The following FBXW7 variants were observed in gnomAD, a reference collection of about 807,000 sequenced individuals.
FBXW7 encodes F-box and WD repeat domain containing 7.
FBXW7 carries 11 observed loss-of-function variants against 86.3 expected under a neutral mutation model. The ratio of observed to expected loss-of-function variants is 0.13; its 90% CI spans 0.08 to 0.21. The LOEUF is 0.21. Among genes scored for constraint, FBXW7 ranks in the 10% least tolerant of loss-of-function variants. The pLI, the probability that FBXW7 is intolerant of heterozygous loss-of-function variation, is 1.00. For synonymous variants in FBXW7, 313 were observed against 297.9 expected (o/e 1.05, Z -0.52); for missense variants, 488 against 847.4 (o/e 0.58, Z 5.27).
intron 2 of FBXW7, among the ~76,000 whole-genome samples, chr4:152,448,537 G>A (rs534524546): frequency 2.6e-5 from 4 of 152,244 alleles, no homozygotes; most frequent in Admixed American, 6.5e-5. Flanking sequence ...GCAGCAGGTC[G>A]AACGGCTCAA....
intron 6 of FBXW7, chr4:152,346,698 C>A: frequency 2.1e-6 from 1 of 469,640 alleles, no homozygotes; most frequent in Non-Finnish European, 3.7e-6. Context: ...CATTGTCAGG[C>A]AACCATTAAT....
At chr4:152,514,611 G>C (rs1175785580) in intron 2 of FBXW7, among the ~76,000 whole-genome samples, 1 of 152,132 alleles carries the variant, frequency 6.6e-6, no homozygotes, top group Non-Finnish European at 1.5e-5. Context: ...TCAAGGTAAT[G>C]AATGAGTTTC....
chr4:152,377,546 G>C (rs376668357), intron 4 of FBXW7, among the ~76,000 whole-genome samples: 18 of 150,712 alleles, frequency 1.2e-4, no homozygotes, highest in African/African-American at 4.4e-4. Flanking sequence ...GCGGTCAGGA[G>C]TTCGAGACCA....
chr4:152,440,573 A>T (rs1424505980), intron 2 of FBXW7, among the ~76,000 whole-genome samples: 1 of 152,236 alleles, frequency 6.6e-6, no homozygotes, highest in African/African-American at 2.4e-5. Context: ...TTTGTTTTAC[A>T]TCAAGGCATT....
At chr4:152,457,192 T>G (rs1451634250) in intron 2 of FBXW7, among the ~76,000 whole-genome samples, 2 of 152,130 alleles carry the variant, frequency 1.3e-5, no homozygotes, top group African/African-American at 4.8e-5. Flanking sequence ...TGACCTACAG[T>G]AACAGAAAGC....
intron 2 of FBXW7, among the ~76,000 whole-genome samples, chr4:152,503,331 C>T (rs573791972): frequency 6.6e-6 from 1 of 151,706 alleles, no homozygotes; most frequent in Non-Finnish European, 1.5e-5. Context: ...AGTGCAGTGG[C>T]GCAATCTCGG....
At chr4:152,425,660 G>C (rs989024917) in intron 2 of FBXW7, among the ~76,000 whole-genome samples, 4 of 150,044 alleles carry the variant, frequency 2.7e-5, no homozygotes, top group Non-Finnish European at 5.9e-5. Context: ...AAAAAAAAAA[G>C]AAATCCATAT....
intron 2 of FBXW7, among the ~76,000 whole-genome samples, chr4:152,433,904 G>A (rs1365229388): frequency 1.3e-5 from 2 of 152,302 alleles, no homozygotes; most frequent in Non-Finnish European, 2.9e-5. Context: ...GTTGGTTAAT[G>A]CTTTTAGAAA....
intron 2 of FBXW7, among the ~76,000 whole-genome samples, chr4:152,502,795 A>G (rs1443774876): frequency 6.6e-6 from 1 of 152,150 alleles, no homozygotes; most frequent in Non-Finnish European, 1.5e-5. Flanking sequence ...ATTAAAAGCT[A>G]TTTCTTGGGT....
chr4:152,404,509 T>A (rs898861121), intron 4 of FBXW7, among the ~76,000 whole-genome samples: 1 of 152,228 alleles, frequency 6.6e-6, no homozygotes, highest in Non-Finnish European at 1.5e-5. Flanking sequence ...GTTTGCTTCA[T>A]AATTAAGATC....
intron 4 of FBXW7, among the ~76,000 whole-genome samples, chr4:152,374,806 G>T (rs185718487): frequency 6.6e-6 from 1 of 151,838 alleles, no homozygotes; most frequent in Non-Finnish European, 1.5e-5. Flanking sequence ...AGAGAGGTAA[G>T]CTGGACCATG....
At chr4:152,520,652 G>A (rs765738581) in intron 2 of FBXW7, among the ~76,000 whole-genome samples, 1 of 152,060 alleles carries the variant, frequency 6.6e-6, no homozygotes, top group African/African-American at 2.4e-5. Flanking sequence ...GCTCCTCCAT[G>A]ATGTAAAAAT....
intron 4 of FBXW7, among the ~76,000 whole-genome samples, chr4:152,372,191 A>G (rs552318995): frequency 6.6e-6 from 1 of 152,086 alleles, no homozygotes; most frequent in Admixed American, 6.6e-5. Flanking sequence ...AGGTTAATAA[A>G]CTTTAGGTAC....
At chr4:152,356,354 AG>A (rs1732384506) in intron 4 of FBXW7, among the ~76,000 whole-genome samples, 1 of 152,242 alleles carries the variant, frequency 6.6e-6, no homozygotes, top group African/African-American at 2.4e-5. Context: ...AGTACTAAAA[AG>A]TTTAACTCAA....
intron 8 of FBXW7, 46 bp downstream of exon 8, chr4:152,332,550 G>T: frequency 6.9e-7 from 1 of 1,440,316 alleles, no homozygotes; most frequent in African/African-American, 1.4e-5. Context: ...GAATCACTCT[G>T]CTTTTCAAAG....
intron 2 of FBXW7, among the ~76,000 whole-genome samples, chr4:152,508,082 A>G (rs1747596987): frequency 6.6e-6 from 1 of 152,042 alleles, no homozygotes; most frequent in Admixed American, 6.6e-5. Flanking sequence ...AAAGAAAAAA[A>G]AAAAGTTAAG....
intron 8 of FBXW7, 124 bp from the exon 9 acceptor site, chr4:152,330,992 C>T: frequency 1.1e-6 from 1 of 898,920 alleles, no homozygotes. Flanking sequence ...AAATGCAAGA[C>T]ATTGTCAAAT....
intron 4 of FBXW7, among the ~76,000 whole-genome samples, chr4:152,390,895 A>G (rs557944713): frequency 2.0e-5 from 3 of 152,108 alleles, no homozygotes; most frequent in African/African-American, 7.2e-5. Flanking sequence ...GCTATAATGC[A>G]GAAGGCTCAA....
At chr4:152,430,652 G>A (rs1739802095) in intron 2 of FBXW7, among the ~76,000 whole-genome samples, 1 of 152,094 alleles carries the variant, frequency 6.6e-6, no homozygotes, top group Non-Finnish European at 1.5e-5. Context: ...CAGTGGTGGT[G>A]GTGGTGGTAG....
Sources: gnomAD v4.1 joint callset for allele counts (sites outside exome capture counted in the v4.1 genomes callset) on GRCh38, gnomAD v4.1.1 for gene constraint, MANE v1.5 for transcripts, NCBI Gene and HGNC (gene_info 2026-07-23, HGNC 2026-07-21) for gene names.